The following CIRSR variants were observed in gnomAD, a reference collection of about 807,000 sequenced individuals.
The protein encoded by CIRSR is CBF1 (RBPJ) interacting corepressor 1.
chr2:174,355,195 AT>A, the CIRSR span, among the ~76,000 whole-genome samples: 3 of 152,192 alleles, frequency 2.0e-5, no homozygotes, highest in African/African-American at 4.8e-5. Context: ...AATTTGGTTG[AT>A]AAAATAGATG....
the CIRSR span, chr2:174,348,469 C>T: frequency 6.4e-7 from 1 of 1,566,242 alleles, no homozygotes; most frequent in Non-Finnish European, 8.6e-7. Flanking sequence ...GTAATTGTCA[C>T]ATACAGTCTT....
the CIRSR span, among the ~76,000 whole-genome samples, chr2:174,369,525 A>C: frequency 6.6e-6 from 1 of 152,236 alleles, no homozygotes; most frequent in Non-Finnish European, 1.5e-5. Context: ...TTGGTGTAGG[A>C]GGCCTACCTT....
the CIRSR span, among the ~76,000 whole-genome samples, chr2:174,369,694 G>A: frequency 2.0e-5 from 3 of 152,176 alleles, no homozygotes; most frequent in African/African-American, 7.2e-5. Context: ...GTGTCTCAGA[G>A]AACAGGGAGG....
chr2:174,348,656 G>T, the CIRSR span: 2 of 1,614,132 alleles, frequency 1.2e-6, no homozygotes, highest in South Asian at 1.1e-5. Context: ...CCCTTTGCTT[G>T]TAACTACCAG....
At chr2:174,380,679 C>T in the CIRSR span, 4 of 1,612,546 alleles carry the variant, frequency 2.5e-6, no homozygotes, top group Non-Finnish European at 3.4e-6. Flanking sequence ...TTCTGCCATT[C>T]AAATTTGTAT....
the CIRSR span, among the ~76,000 whole-genome samples, chr2:174,377,539 A>G: frequency 4.6e-5 from 7 of 152,212 alleles, no homozygotes; most frequent in South Asian, 1.5e-3. Flanking sequence ...GTTACTGGCC[A>G]GGCATGGTGG....
the CIRSR span, among the ~76,000 whole-genome samples, chr2:174,362,121 G>C: frequency 6.6e-5 from 10 of 152,044 alleles, no homozygotes; most frequent in Admixed American, 2.6e-4. Context: ...AACATAGTGA[G>C]AGCCTGTAAA....
the CIRSR span, among the ~76,000 whole-genome samples, chr2:174,364,342 C>T: frequency 9.2e-5 from 14 of 152,246 alleles, no homozygotes; most frequent in Admixed American, 2.0e-4. Flanking sequence ...TCCCTCCTGG[C>T]TGCTTTCATA....
At chr2:174,369,358 G>A in the CIRSR span, among the ~76,000 whole-genome samples, 2 of 152,134 alleles carry the variant, frequency 1.3e-5, no homozygotes, top group Non-Finnish European at 2.9e-5. Context: ...TTGGCTTAAG[G>A]GAATGTTGTG....
At chr2:174,348,778 T>TCAGAACCCATATGGGCTATG in the CIRSR span, 5 of 1,614,220 alleles carry the variant, frequency 3.1e-6, no homozygotes, top group Non-Finnish European at 3.4e-6. Context: ...GTTCTGGACT[T>TCAGAACCCATATGGGCTATG]TTTGTCAGAA....
At chr2:174,395,437 T>C in the CIRSR span, 138 of 1,045,068 alleles carry the variant, frequency 1.3e-4, 2 homozygotes, top group South Asian at 1.9e-3. Flanking sequence ...GCTTTAGGCC[T>C]AGAGAAGCGG....
the CIRSR span, among the ~76,000 whole-genome samples, chr2:174,367,435 C>G: frequency 6.6e-6 from 1 of 152,074 alleles, no homozygotes; most frequent in Admixed American, 6.6e-5. Flanking sequence ...AAAAAATTAG[C>G]CGGGTGTGGT....
the CIRSR span, among the ~76,000 whole-genome samples, chr2:174,375,377 G>A: frequency 6.6e-6 from 1 of 152,356 alleles, no homozygotes; most frequent in East Asian, 1.9e-4. Flanking sequence ...GGAGGCTGAG[G>A]TGGGATGATC....
the CIRSR span, chr2:174,380,516 C>T: frequency 1.2e-6 from 1 of 802,410 alleles, no homozygotes; most frequent in Non-Finnish European, 1.9e-6. Flanking sequence ...AATAAGACAG[C>T]TAATTAAAAT....
At chr2:174,384,095 T>G in the CIRSR span, among the ~76,000 whole-genome samples, 1 of 152,192 alleles carries the variant, frequency 6.6e-6, no homozygotes, top group Non-Finnish European at 1.5e-5. Flanking sequence ...ATAGCAGCAT[T>G]ATTCACAATA....
chr2:174,381,028 G>A, the CIRSR span, among the ~76,000 whole-genome samples: 1 of 151,968 alleles, frequency 6.6e-6, no homozygotes, highest in African/African-American at 2.4e-5. Flanking sequence ...TTAATTCACA[G>A]TTTTTAAACT....
At chr2:174,376,484 T>C in the CIRSR span, among the ~76,000 whole-genome samples, 1 of 151,968 alleles carries the variant, frequency 6.6e-6, no homozygotes, top group Non-Finnish European at 1.5e-5. Flanking sequence ...TGAGTTATTA[T>C]AAGGTTAATG....
the CIRSR span, among the ~76,000 whole-genome samples, chr2:174,385,690 T>C: frequency 1.3e-5 from 2 of 151,594 alleles, no homozygotes; most frequent in Admixed American, 1.3e-4. Context: ...CTAACAGAGC[T>C]CTCAATGGCC....
At chr2:174,367,745 T>TA in the CIRSR span, among the ~76,000 whole-genome samples, 25,401 of 70,516 alleles carry the variant, frequency 0.36, 4,979 homozygotes, top group Middle Eastern at 0.51. Flanking sequence ...TGCTGTCTCT[T>TA]AAAAAAAAAA....
Sources: allele counts gnomAD v4.1 joint callset (sites outside exome capture counted in the v4.1 genomes callset), GRCh38; gene constraint gnomAD v4.1.1; transcripts MANE v1.5; gene names NCBI Gene and HGNC (gene_info 2026-07-23, HGNC 2026-07-21).